MIPOL1: variants seen among roughly 807,000 people sequenced by gnomAD.
The protein encoded by MIPOL1 is mirror-image polydactyly gene 1 protein.
A neutral mutation model predicts 60.9 loss-of-function variants in MIPOL1; 57 were observed. The observed-to-expected ratio is 0.94, with a 90% CI of 0.76 to 1.17. The LOEUF is 1.17. Ranked by LOEUF, MIPOL1 falls within the 50% of genes most tolerant of loss-of-function variation. MIPOL1 has a pLI of 0.00. For synonymous variants in MIPOL1, 179 were observed against 168.8 expected (o/e 1.06, Z -0.47); for missense variants, 551 against 511.6 (o/e 1.08, Z -0.74).
intron 1 of MIPOL1, among the ~76,000 whole-genome samples, chr14:37,201,410 A>G (rs1278888030): frequency 6.6e-6 from 1 of 152,232 alleles, no homozygotes; most frequent in East Asian, 1.9e-4. Context: ...AAGAAAGAAG[A>G]GACAGTCTTT....
chr14:37,246,667 C>G (rs762405147), intron 1 of MIPOL1, among the ~76,000 whole-genome samples: 11 of 152,050 alleles, frequency 7.2e-5, no homozygotes, highest in Admixed American at 5.2e-4. Context: ...TAAATCATTC[C>G]AATCATTTAA....
chr14:37,331,224 G>T (rs1483587824), intron 9 of MIPOL1, among the ~76,000 whole-genome samples: 1 of 151,556 alleles, frequency 6.6e-6, no homozygotes, highest in East Asian at 1.9e-4. Context: ...CTTGGAATCT[G>T]CTTTGACTAC....
At chr14:37,360,523 A>G (rs1254177927) in intron 9 of MIPOL1, among the ~76,000 whole-genome samples, 1 of 152,184 alleles carries the variant, frequency 6.6e-6, no homozygotes, top group East Asian at 1.9e-4. Context: ...CAGAGATTCA[A>G]GTTCTTCCTG....
At chr14:37,512,298 G>T (rs1416278375) in intron 12 of MIPOL1, among the ~76,000 whole-genome samples, 1 of 146,754 alleles carries the variant, frequency 6.8e-6, no homozygotes, top group Non-Finnish European at 1.5e-5. Flanking sequence ...GTAAGAGTCT[G>T]TAGTTCTCTT....
chr14:37,384,507 A>G (rs1386567736), intron 10 of MIPOL1, among the ~76,000 whole-genome samples: 2 of 151,914 alleles, frequency 1.3e-5, no homozygotes, highest in African/African-American at 2.4e-5. Context: ...GCACAAAGAA[A>G]CTACCAGTTT....
At position 37,247,119 on chromosome 14, in the gene MIPOL1, T is replaced by G. The variant is rs1199160697; in HGVS notation, c.-182T>G. On this transcript the variant is annotated 5_prime_UTR_variant, in exon 2 of 13. It removes an upstream start codon present in the reference 5' UTR. Coordinates refer to ENST00000684589, the MANE Select transcript of MIPOL1 (RefSeq NM_001388067.1). ...TATTTTCAGCTAATCCAAAAGTAAA[T>G]GAGAAACTTAGAAAAAGATTGCCAA... 6.6e-6 allele frequency: 1 copy of G among 152,420 alleles called. No homozygotes were observed. Among genetic ancestry groups the G allele is most frequent in the African/African-American group, 2.4e-5 (1 of 41,420 alleles). 9.4% of individuals were successfully genotyped at this position (152,420 alleles called of 1,614,324 possible). A position where few individuals can be genotyped will look rare whatever the true frequency, so the allele number is the denominator to read the frequency against.
chr14:37,377,914 T>G (rs1027911121), intron 10 of MIPOL1, among the ~76,000 whole-genome samples: 1 of 151,968 alleles, frequency 6.6e-6, no homozygotes, highest in Non-Finnish European at 1.5e-5. Flanking sequence ...AATCTTAAAC[T>G]CTGACTTTAC....
chr14:37,384,366 A>C (rs563932600), intron 10 of MIPOL1, among the ~76,000 whole-genome samples: 1 of 95,070 alleles, frequency 1.1e-5, no homozygotes, highest in African/African-American at 4.2e-5. Flanking sequence ...AAATGATAAA[A>C]TATCTGAGGA....
At chr14:37,428,290 C>T (rs1213736080) in intron 11 of MIPOL1, among the ~76,000 whole-genome samples, 1 of 152,114 alleles carries the variant, frequency 6.6e-6, no homozygotes, top group African/African-American at 2.4e-5. Flanking sequence ...TTCATTCTAC[C>T]TTTCCTTTGA....
intron 12 of MIPOL1, among the ~76,000 whole-genome samples, chr14:37,538,000 T>A (rs565596822): frequency 6.6e-6 from 1 of 152,264 alleles, no homozygotes; most frequent in East Asian, 1.9e-4. Flanking sequence ...CCTTTAATAC[T>A]CTAATTGAAA....
At chr14:37,320,554 A>G (rs75558383) in intron 9 of MIPOL1, among the ~76,000 whole-genome samples, 2,870 of 151,870 alleles carry the variant, frequency 0.019, 81 homozygotes, top group African/African-American at 0.064. Context: ...TGTGGCTTGC[A>G]TTTTTATTCT....
chr14:37,390,385 G>T (rs1200478454), intron 10 of MIPOL1, among the ~76,000 whole-genome samples: 3 of 151,928 alleles, frequency 2.0e-5, no homozygotes, highest in Non-Finnish European at 4.4e-5. Flanking sequence ...ATATACAATT[G>T]AAGACATTCC....
chr14:37,362,107 A>G (rs1324471362), intron 9 of MIPOL1, among the ~76,000 whole-genome samples: 1 of 152,156 alleles, frequency 6.6e-6, no homozygotes. Flanking sequence ...TAGCTCATTT[A>G]CATTTAAGGT....
At chr14:37,327,894 G>A (rs1034961032) in intron 9 of MIPOL1, among the ~76,000 whole-genome samples, 1 of 152,214 alleles carries the variant, frequency 6.6e-6, no homozygotes, top group Non-Finnish European at 1.5e-5. Context: ...GCAAGATACA[G>A]TACTCGTGGA....
chr14:37,244,308 A>G (rs1408432337), intron 1 of MIPOL1, among the ~76,000 whole-genome samples: 1 of 151,066 alleles, frequency 6.6e-6, no homozygotes, highest in Non-Finnish European at 1.5e-5. Flanking sequence ...TTTTTAGTAG[A>G]GACGGGGTTT....
At chr14:37,263,361 A>T (rs2082644776) in intron 3 of MIPOL1, among the ~76,000 whole-genome samples, 1 of 152,206 alleles carries the variant, frequency 6.6e-6, no homozygotes, top group South Asian at 2.1e-4. Context: ...AAGTACTAAG[A>T]TTCTATGCCT....
chr14:37,369,604 A>G lies in MIPOL1; in HGVS notation c.916A>G (p.Asn306Asp). Residue 306 changes from asparagine to aspartate, a missense_variant, in exon 10 of 13, where the codon AAT becomes GAT. By Grantham distance (23) the Asn-to-Asp change is conservative. Transcript: ENST00000684589. Reference sequence around the variant, plus strand: ...CATGAGACATCTGACTGCTGAAAACAATCAAGAACGTGCTCTGAAGGTAAA... The same window carrying G: ...CATGAGACATCTGACTGCTGAAAACGATCAAGAACGTGCTCTGAAGGTAAA... ...NNMRHLTAEN[N>D]QERALKAKLL... 1 of 1,613,006 alleles carries G rather than the reference A, an allele frequency of 6.2e-7. No individual in the cohort carries two copies. Among genetic ancestry groups the G allele is most frequent in the Non-Finnish European group, 8.5e-7 (1 of 1,179,264 alleles).
chr14:37,438,107 CAG>C, intron 11 of MIPOL1, among the ~76,000 whole-genome samples: 1 of 152,084 alleles, frequency 6.6e-6, no homozygotes, highest in Admixed American at 6.6e-5. Flanking sequence ...TTTTGATTAA[CAG>C]TTTGTTTTCA....
chr14:37,319,145 G>A (rs997491678), intron 9 of MIPOL1, among the ~76,000 whole-genome samples: 12 of 151,962 alleles, frequency 7.9e-5, no homozygotes, highest in Non-Finnish European at 1.3e-4. Context: ...CTGGTCTCAT[G>A]CTTTGATAAT....
Sources: gnomAD v4.1 joint callset for allele counts (sites outside exome capture counted in the v4.1 genomes callset) on GRCh38, gnomAD v4.1.1 for gene constraint, MANE v1.5 for transcripts, NCBI Gene and HGNC (gene_info 2026-07-23, HGNC 2026-07-21) for gene names.